The following MCOLN2 variants were observed in gnomAD, a reference collection of about 807,000 sequenced individuals.
The protein encoded by MCOLN2 is mucolipin TRP cation channel 2, also known as mucolipin-2.
Under a neutral mutation model 67.5 loss-of-function variants are expected in MCOLN2, and 57 were observed. That is an observed-to-expected ratio of 0.84 (90% CI 0.68 to 1.05). MCOLN2 has a LOEUF of 1.05. MCOLN2 is among the 50% of genes least tolerant of loss of function. The pLI, the probability that MCOLN2 is intolerant of heterozygous loss-of-function variation, is 0.00. For synonymous variants in MCOLN2, 246 were observed against 233.3 expected (o/e 1.05, Z -0.50); for missense variants, 620 against 678.8 (o/e 0.91, Z 0.96).
chr1:84,995,032 A>T (rs1651079619), intron 1 of MCOLN2, among the ~76,000 whole-genome samples: 1 of 152,188 alleles, frequency 6.6e-6, no homozygotes, highest in Non-Finnish European at 1.5e-5. Flanking sequence ...AGAGGAAAAG[A>T]GATAGAAGAA....
chr1:84,943,773 G>A lies in MCOLN2; in HGVS notation c.848-2782C>T, dbSNP rs1647927621. ...CAAAATGGGGAGGGCAAGCGTACTGGTTCCTGAGGCTGCCATGAGAATCAG... is the reference window on the plus strand; with the variant it reads ...CAAAATGGGGAGGGCAAGCGTACTGATTCCTGAGGCTGCCATGAGAATCAG... On this transcript the variant is annotated intron_variant, in intron 7 of 13. Coordinates refer to ENST00000370608, the MANE Select transcript of MCOLN2 (RefSeq NM_153259.4). Among the ~76,000 whole-genome samples the A allele has an allele frequency of 2.6e-5, 4 of 152,204 alleles. No individual in the cohort carries two copies. In the South Asian group the frequency reaches 8.3e-4, roughly 31 times the overall value.
chr1:84,963,215 T>G (rs1161337855), intron 2 of MCOLN2, among the ~76,000 whole-genome samples: 1 of 152,158 alleles, frequency 6.6e-6, no homozygotes, highest in Admixed American at 6.6e-5. Context: ...AGGATTGCAA[T>G]GAGGATGAAA....
chr1:84,935,967 C>T (rs1200990929), intron 11 of MCOLN2, among the ~76,000 whole-genome samples: 2 of 152,198 alleles, frequency 1.3e-5, no homozygotes, highest in Non-Finnish European at 2.9e-5. Flanking sequence ...TTGCAATGAT[C>T]TGTTTTAGAT....
At chr1:84,940,811 G>T in intron 8 of MCOLN2, 68 bp downstream of exon 8, 3 of 985,702 alleles carry the variant, frequency 3.0e-6, no homozygotes, top group East Asian at 5.2e-5. Flanking sequence ...AATATCGGTG[G>T]TCCACTGCTT....
chr1:84,950,690 C>T (rs1052463973), intron 6 of MCOLN2, among the ~76,000 whole-genome samples: 1 of 152,132 alleles, frequency 6.6e-6, no homozygotes. Flanking sequence ...ACTGGCAGAG[C>T]TTGGAGAGCC....
chr1:84,984,447 T>C (rs575027964), intron 1 of MCOLN2, among the ~76,000 whole-genome samples: 4 of 152,320 alleles, frequency 2.6e-5, no homozygotes, highest in Admixed American at 6.5e-5. Flanking sequence ...CTAATCACTT[T>C]TCAAGGCCAT....
rs550689767 is a variant in MCOLN2, at chr1:84,996,926, G to A, written c.-54C>T. 15 of 1,489,884 alleles carry A rather than the reference G, an allele frequency of 1.0e-5. No individual in the cohort carries two copies. Among genetic ancestry groups the A allele is most frequent in the South Asian group, 6.8e-5 (6 of 87,972 alleles). 92.3% of individuals were successfully genotyped at this position (1,489,884 alleles called of 1,614,324 possible). A position where few individuals can be genotyped will look rare whatever the true frequency, so the allele number is the denominator to read the frequency against. ...CTCGGGATTCGGAACAGGAAACACC[G>A]TTCACGGCCGACTCATTTCGCCCTC... On this transcript the variant is annotated 5_prime_UTR_variant, in exon 1 of 14. It adds an upstream start codon to the 5' untranslated region. Transcript: ENST00000370608.
intron 2 of MCOLN2, among the ~76,000 whole-genome samples, chr1:84,961,262 G>A (rs1306246212): frequency 1.3e-5 from 2 of 152,136 alleles, no homozygotes; most frequent in Non-Finnish European, 2.9e-5. Context: ...AAACTGAAAT[G>A]CTGCCAATTT....
intron 2 of MCOLN2, among the ~76,000 whole-genome samples, chr1:84,962,420 C>A (rs1423978647): frequency 6.6e-6 from 1 of 152,108 alleles, no homozygotes; most frequent in East Asian, 1.9e-4. Context: ...TGGCATGTGC[C>A]TTTAGTCAGC....
intron 9 of MCOLN2, 115 bp downstream of exon 9, chr1:84,939,438 G>C (rs756848446): frequency 9.5e-7 from 1 of 1,052,134 alleles, no homozygotes. Context: ...GTGCTGGTGT[G>C]AGAAAAGGGA....
intron 6 of MCOLN2, among the ~76,000 whole-genome samples, chr1:84,949,766 A>G (rs1648316102): frequency 6.6e-6 from 1 of 152,132 alleles, no homozygotes; most frequent in South Asian, 2.1e-4. Context: ...GAATGAGATG[A>G]TATATTCAAA....
At position 84,960,358 on chromosome 1, in the gene MCOLN2, C is replaced by T. The variant is rs1357382968; in HGVS notation, c.238-1656G>A. 1.3e-5 allele frequency among the ~76,000 whole-genome samples: 2 copies of T among 152,174 alleles called. 1 individual carries two copies. On this transcript the variant is annotated intron_variant, in intron 2 of 13. Coordinates refer to ENST00000370608, the MANE Select transcript of MCOLN2 (RefSeq NM_153259.4). ...TGGAAGCCAAGTCTAATTCCAAAGTCATCTGTGTTATGCTATAAAAACAAC... is the reference window on the plus strand; with the variant it reads ...TGGAAGCCAAGTCTAATTCCAAAGTTATCTGTGTTATGCTATAAAAACAAC...
At chr1:84,988,298 C>T (rs187902335) in intron 1 of MCOLN2, among the ~76,000 whole-genome samples, 17 of 152,028 alleles carry the variant, frequency 1.1e-4, no homozygotes, top group Non-Finnish European at 2.9e-5. Flanking sequence ...GCAATCCTCC[C>T]ACCTCGGCCT....
rs200572431 is a variant in MCOLN2, at chr1:84,952,345, T to C, written c.651-6A>G. 2 of 1,607,056 alleles carry C rather than the reference T, an allele frequency of 1.2e-6. No individual in the cohort carries two copies. The highest frequency in any genetic ancestry group is 1.1e-5 in the South Asian group (1 of 90,758). On this transcript the variant is annotated splice_polypyrimidine_tract_variant and splice_region_variant and intron_variant, in intron 5 of 13. Coordinates refer to ENST00000370608, the MANE Select transcript of MCOLN2 (RefSeq NM_153259.4). Reference sequence around the variant, plus strand: ...AGATTTCAACCTGTAAGAGCCTGAATAAAATATATTGAAAGGTATAAATTG... The same window carrying C: ...AGATTTCAACCTGTAAGAGCCTGAACAAAATATATTGAAAGGTATAAATTG...
intron 1 of MCOLN2, among the ~76,000 whole-genome samples, chr1:84,970,918 T>C (rs147939870): frequency 6.6e-6 from 1 of 152,202 alleles, no homozygotes; most frequent in African/African-American, 2.4e-5. Context: ...TGAGTGGCCA[T>C]TAAGTGTTCA....
intron 1 of MCOLN2, among the ~76,000 whole-genome samples, chr1:84,979,381 T>C (rs935347204): frequency 6.6e-6 from 1 of 152,130 alleles, no homozygotes; most frequent in African/African-American, 2.4e-5. Context: ...TAAAAAAAAT[T>C]ACAGGCCAAT....
chr1:84,926,001 C>A lies in MCOLN2; in HGVS notation c.*684G>T, dbSNP rs569290448. The A allele has an allele frequency of 5.3e-5, 8 of 152,286 alleles. No homozygotes were observed. Among genetic ancestry groups the A allele is most frequent in the Admixed American group, 3.9e-4 (6 of 15,272 alleles). 9.4% of individuals were successfully genotyped at this position (152,286 alleles called of 1,614,324 possible). A position where few individuals can be genotyped will look rare whatever the true frequency, so the allele number is the denominator to read the frequency against. ...ACCTCCAGAGCTCAGGTGATCCTCC[C>A]ACTTCAGCTTCCCAAGTAGCTGGGA... On this transcript the variant is annotated 3_prime_UTR_variant, in exon 14 of 14. Coordinates refer to ENST00000370608, the MANE Select transcript of MCOLN2 (RefSeq NM_153259.4).
chr1:84,940,603 C>T (rs1471761786), intron 8 of MCOLN2, among the ~76,000 whole-genome samples: 1 of 152,220 alleles, frequency 6.6e-6, no homozygotes, highest in East Asian at 1.9e-4. Flanking sequence ...ATTCTGGAAA[C>T]ATTCAAAAGC....
intron 8 of MCOLN2, among the ~76,000 whole-genome samples, chr1:84,940,498 G>A (rs1478458605): frequency 1.3e-5 from 2 of 152,184 alleles, no homozygotes; most frequent in Non-Finnish European, 2.9e-5. Context: ...ATGCCTCCCT[G>A]TCAAAATGAA....
Sources: allele counts gnomAD v4.1 joint callset (sites outside exome capture counted in the v4.1 genomes callset), GRCh38; gene constraint gnomAD v4.1.1; transcripts MANE v1.5; gene names NCBI Gene and HGNC (gene_info 2026-07-23, HGNC 2026-07-21).